The following CALN1 variants were observed in gnomAD, a reference collection of about 807,000 sequenced individuals.
The protein encoded by CALN1 is calcium-binding protein 8.
CALN1 carries 17 observed loss-of-function variants against 30.6 expected under a neutral mutation model. That is an observed-to-expected ratio of 0.56 (90% CI 0.38 to 0.83). The LOEUF (loss-of-function observed/expected upper bound fraction) is 0.83. Ranked by LOEUF, CALN1 falls within the 40% of genes least tolerant of loss-of-function variation. The pLI is 0.00. For synonymous variants in CALN1, 156 were observed against 131.4 expected (o/e 1.19, Z -1.28); for missense variants, 291 against 354.9 (o/e 0.82, Z 1.45).
intron 3 of CALN1, among the ~76,000 whole-genome samples, chr7:72,266,341 G>C (rs1796594483): frequency 6.6e-6 from 1 of 152,110 alleles, no homozygotes; most frequent in Non-Finnish European, 1.5e-5. Flanking sequence ...CAAAATACTT[G>C]TATATTAGAT....
intron 5 of CALN1, among the ~76,000 whole-genome samples, chr7:71,895,725 G>T (rs546020377): frequency 6.6e-6 from 1 of 152,290 alleles, no homozygotes; most frequent in Non-Finnish European, 1.5e-5. Context: ...AATCTGAGAA[G>T]AAAAATGACT....
chr7:72,225,752 C>A (rs1259605541), intron 3 of CALN1, among the ~76,000 whole-genome samples: 2 of 152,096 alleles, frequency 1.3e-5, no homozygotes, highest in South Asian at 2.1e-4. Context: ...AGCGAGTACC[C>A]ACAATGTCTA....
intron 5 of CALN1, among the ~76,000 whole-genome samples, chr7:72,016,248 CA>C (rs1216381592): frequency 2.2e-3 from 160 of 73,366 alleles, no homozygotes; most frequent in Middle Eastern, 0.02. Flanking sequence ...GACTCCATCT[CA>C]AAAAAAAAAA....
At chr7:72,472,061 G>A in the CALN1 span, among the ~76,000 whole-genome samples, 1 of 152,082 alleles carries the variant, frequency 6.6e-6, no homozygotes, top group Non-Finnish European at 1.5e-5. Flanking sequence ...CTCCCAAAGT[G>A]CTGGGATTAT....
At chr7:72,221,978 C>G (rs1287693573) in intron 3 of CALN1, among the ~76,000 whole-genome samples, 3 of 151,774 alleles carry the variant, frequency 2.0e-5, no homozygotes, top group Non-Finnish European at 4.4e-5. Flanking sequence ...GTAATCCCAG[C>G]ACTTTGGGAG....
chr7:72,372,362 G>A (rs534577756), intron 2 of CALN1, among the ~76,000 whole-genome samples: 1 of 152,180 alleles, frequency 6.6e-6, no homozygotes, highest in East Asian at 1.9e-4. Flanking sequence ...TGTCTGCTTG[G>A]CCCCAACACA....
intron 5 of CALN1, among the ~76,000 whole-genome samples, chr7:71,960,173 AT>A (rs1301909341): frequency 1.4e-4 from 21 of 146,214 alleles, no homozygotes; most frequent in East Asian, 1.3e-3. Context: ...AAATAAATAA[AT>A]AAATAAATAA....
intron 5 of CALN1, among the ~76,000 whole-genome samples, chr7:71,873,511 A>C (rs1792067917): frequency 6.6e-6 from 1 of 152,256 alleles, no homozygotes; most frequent in African/African-American, 2.4e-5. Context: ...CTCTGAGTCC[A>C]ATGTTCTCAT....
intron 4 of CALN1, among the ~76,000 whole-genome samples, chr7:72,035,706 G>T (rs2129532929): frequency 1.3e-5 from 2 of 152,214 alleles, no homozygotes; most frequent in Middle Eastern, 6.8e-3. Flanking sequence ...CAGCTTAACT[G>T]CAATAACATA....
At chr7:72,145,186 G>T (rs959409742) in intron 3 of CALN1, among the ~76,000 whole-genome samples, 2 of 152,090 alleles carry the variant, frequency 1.3e-5, no homozygotes, top group Non-Finnish European at 2.9e-5. Flanking sequence ...CCAGGAGCTG[G>T]TTTTTTGAAA....
At chr7:71,882,032 C>T (rs1792600533) in intron 5 of CALN1, among the ~76,000 whole-genome samples, 1 of 152,074 alleles carries the variant, frequency 6.6e-6, no homozygotes, top group South Asian at 2.1e-4. Context: ...GATTGTGCTA[C>T]TGGACTCCAG....
chr7:72,288,830 ACC>A (rs1411529453), intron 2 of CALN1, among the ~76,000 whole-genome samples: 2 of 151,964 alleles, frequency 1.3e-5, no homozygotes, highest in Non-Finnish European at 2.9e-5. Context: ...CTTATTTTTA[ACC>A]CCTTTTCCCC....
chr7:71,886,892 A>G (rs117814156), intron 5 of CALN1, among the ~76,000 whole-genome samples: 52 of 152,284 alleles, frequency 3.4e-4, no homozygotes, highest in Non-Finnish European at 6.9e-4. Flanking sequence ...ACTGGGGCAC[A>G]GAGACATGCC....
intron 5 of CALN1, among the ~76,000 whole-genome samples, chr7:71,874,708 AGT>A (rs768738911): frequency 6.6e-6 from 1 of 152,220 alleles, no homozygotes; most frequent in Non-Finnish European, 1.5e-5. Context: ...TTGCTTCTGC[AGT>A]GATTCCAGGG....
intron 3 of CALN1, among the ~76,000 whole-genome samples, chr7:72,232,188 C>A (rs1794154444): frequency 1.3e-5 from 2 of 152,170 alleles, no homozygotes; most frequent in Non-Finnish European, 2.9e-5. Flanking sequence ...GAGCATGCAT[C>A]AGCTCCGGCA....
chr7:72,222,471 C>G (rs1467675479), intron 3 of CALN1, among the ~76,000 whole-genome samples: 1 of 152,184 alleles, frequency 6.6e-6, no homozygotes, highest in African/African-American at 2.4e-5. Flanking sequence ...AACTCACTCA[C>G]TGTCATAAGG....
chr7:72,453,716 T>C, the CALN1 span, among the ~76,000 whole-genome samples: 1 of 152,202 alleles, frequency 6.6e-6, no homozygotes, highest in Non-Finnish European at 1.5e-5. Flanking sequence ...CGGACAAGAA[T>C]TTTCCTTGGA....
chr7:71,955,777 G>A (rs1394912240), intron 5 of CALN1, among the ~76,000 whole-genome samples: 1 of 151,952 alleles, frequency 6.6e-6, no homozygotes, highest in Non-Finnish European at 1.5e-5. Flanking sequence ...AACATGACCT[G>A]ACTATGATGC....
At chr7:72,383,930 C>A (rs1183320543) in intron 2 of CALN1, among the ~76,000 whole-genome samples, 1 of 152,096 alleles carries the variant, frequency 6.6e-6, no homozygotes, top group Non-Finnish European at 1.5e-5. Flanking sequence ...ACATGTTGAC[C>A]CAGCAATCCC....
Sources: gnomAD v4.1 joint callset for allele counts (sites outside exome capture counted in the v4.1 genomes callset) on GRCh38, gnomAD v4.1.1 for gene constraint, MANE v1.5 for transcripts, NCBI Gene and HGNC (gene_info 2026-07-23, HGNC 2026-07-21) for gene names.